PRPF4: variants seen among roughly 807,000 people sequenced by gnomAD.
PRPF4 encodes the protein pre-mRNA splicing tri-snRNP complex factor PRPF4.
Under a neutral mutation model 72.2 loss-of-function variants are expected in PRPF4, and 14 were observed. The ratio of observed to expected loss-of-function variants is 0.19; its 90% CI spans 0.13 to 0.30. PRPF4 has a LOEUF of 0.30. Among genes scored for constraint, PRPF4 ranks in the 10% least tolerant of loss-of-function variants. PRPF4 has a pLI of 1.00. For synonymous variants in PRPF4, 225 were observed against 232.2 expected, an observed-to-expected ratio of 0.97 and a Z score of 0.28; for missense variants, 478 against 653.9, an observed-to-expected ratio of 0.73 and a Z score of 2.93.
chr9:113,286,633 T>A, intron 8 of PRPF4, 72 bp from the exon 9 acceptor site: 3 of 1,567,288 alleles, frequency 1.9e-6, no homozygotes, highest in Non-Finnish European at 2.6e-6. Context: ...TATGTCCACA[T>A]GTTCCCTAGT....
chr9:113,280,340 A>C (rs1564245256), intron 3 of PRPF4, among the ~76,000 whole-genome samples: 1 of 151,736 alleles, frequency 6.6e-6, no homozygotes, highest in Non-Finnish European at 1.5e-5. Context: ...GATCAGCTCT[A>C]CTCCCATGGC....
Position 113,291,009 on chromosome 9 carries a change from G to T in PRPF4, c.1365G>T (p.Lys455Asn), listed in dbSNP as rs758869854. Residue 455 changes from lysine to asparagine, a missense_variant, in exon 13 of 14, where the codon AAG becomes AAT. Lys to Asn is a moderately conservative substitution (Grantham distance 94). Transcript: ENST00000374198. Reference sequence around the variant, plus strand: ...ATCAGAACTTAGTGACTGGTGTCAAGTTTGAGCGTAAGCTTTCCTCCTATT... The same window carrying T: ...ATCAGAACTTAGTGACTGGTGTCAATTTTGAGCGTAAGCTTTCCTCCTATT... ...PAHQNLVTGV[K>N]FEPIHGNFLL... 19 of 1,612,528 alleles carry T rather than the reference G, an allele frequency of 1.2e-5. No individual in the cohort carries two copies. Among genetic ancestry groups the T allele is most frequent in the Non-Finnish European group, 1.6e-5 (19 of 1,178,634 alleles).
At chr9:113,285,846 CAG>C (rs1301769184) in intron 7 of PRPF4, among the ~76,000 whole-genome samples, 1 of 151,934 alleles carries the variant, frequency 6.6e-6, no homozygotes, top group East Asian at 1.9e-4. Context: ...GCCTAGGTGA[CAG>C]AGTGACACTG....
chr9:113,291,025 T>C lies in PRPF4; in HGVS notation c.1372+9T>C. On this transcript the variant is annotated intron_variant, in intron 13 of 13. Transcript: ENST00000374198. ...TGGTGTCAAGTTTGAGCGTAAGCTT[T>C]CCTCCTATTTTACGTCTAAATGACA... 6.2e-7 allele frequency: 1 copy of C among 1,604,884 alleles called. No individual in the cohort carries two copies. Among genetic ancestry groups the C allele is most frequent in the Non-Finnish European group, 8.5e-7 (1 of 1,171,574 alleles).
At position 113,284,386 on chromosome 9, in the gene PRPF4, G is replaced by T; in HGVS notation, c.746G>T (p.Cys249Phe). 6.2e-7 allele frequency: 1 copy of T among 1,605,984 alleles called. No individual in the cohort carries two copies. The highest frequency in any genetic ancestry group is 8.5e-7 in the Non-Finnish European group (1 of 1,172,634). Residue 249 changes from cysteine (C) to phenylalanine (F), a missense_variant, in exon 7 of 14, where the codon TGT (cysteine) becomes TTT (phenylalanine). Cys to Phe is a radical substitution (Grantham distance 205). Transcript: ENST00000374198. ...AATTCCAAGATGCTGGCCACAGCTT[G>T]TTGGTAAGTTCCATTTTACAATGAC... ...SPNSKMLATA[C>F]WSGLCKLWSV... is the part of the protein sequence containing the mutation.
intron 5 of PRPF4, 60 bp downstream of exon 5, chr9:113,283,271 A>G: frequency 6.2e-7 from 1 of 1,613,994 alleles, no homozygotes; most frequent in Admixed American, 1.7e-5. Context: ...TCCTCTCAGG[A>G]ACTGAGTGCT....
chr9:113,283,653 C>T (rs1832349475), intron 6 of PRPF4, among the ~76,000 whole-genome samples, 171 bp downstream of exon 6: 1 of 152,206 alleles, frequency 6.6e-6, no homozygotes, highest in Non-Finnish European at 1.5e-5. Context: ...CAGGAGCTTA[C>T]TGTGCTTTGT....
In PRPF4 at chr9:113,288,201, G is replaced by A. The variant is rs773856201; in HGVS notation, c.959G>A (p.Gly320Asp). 2 of 1,614,218 alleles carry A rather than the reference G, an allele frequency of 1.2e-6. No homozygotes were observed. Among genetic ancestry groups the A allele is most frequent in the Non-Finnish European group, 1.7e-6 (2 of 1,180,046 alleles). ...DSDEPVADIE[G>D]HTVRVARVMW... Reference sequence around the variant, plus strand: ...GATGAACCAGTGGCAGATATTGAAGGCCATACAGTGCGTGTGGCGCGGGTA... The same window carrying A: ...GATGAACCAGTGGCAGATATTGAAGACCATACAGTGCGTGTGGCGCGGGTA... The change falls in exon 10 of 14, where the codon GGC (glycine) becomes GAC (aspartate). Residue 320 changes from glycine (G) to aspartate (D), a missense_variant. Gly to Asp is a moderately conservative substitution (Grantham distance 94). Coordinates refer to ENST00000374198, the MANE Select transcript of PRPF4 (RefSeq NM_001244926.2).
chr9:113,291,011 T>A lies in PRPF4; in HGVS notation c.1367T>A (p.Phe456Tyr). Residue 456 changes from phenylalanine to tyrosine, a missense_variant, in exon 13 of 14, where the codon TTT becomes TAT. Transcript: ENST00000374198. ...AHQNLVTGVK[F>Y]EPIHGNFLLT... ...CAGAACTTAGTGACTGGTGTCAAGTTTGAGCGTAAGCTTTCCTCCTATTTT... is the reference window on the plus strand; with the variant it reads ...CAGAACTTAGTGACTGGTGTCAAGTATGAGCGTAAGCTTTCCTCCTATTTT... 2 of 1,612,604 alleles carry A rather than the reference T, an allele frequency of 1.2e-6. No homozygotes were observed. The highest frequency in any genetic ancestry group is 1.7e-6 in the Non-Finnish European group (2 of 1,178,578).
intron 10 of PRPF4, 99 bp downstream of exon 10, chr9:113,288,363 A>C (rs1024848276): frequency 6.9e-5 from 77 of 1,114,136 alleles, no homozygotes; most frequent in Non-Finnish European, 9.8e-5. Flanking sequence ...AGAGATCTTC[A>C]GGTAGGATTT....
At chr9:113,282,965 T>G (rs894626499) in intron 4 of PRPF4, 167 bp from the exon 5 acceptor site, 4 of 1,256,928 alleles carry the variant, frequency 3.2e-6, no homozygotes, top group Middle Eastern at 2.5e-4. Flanking sequence ...TATAACCATG[T>G]AGTTACATAT....
chr9:113,288,307 ATCT>A (rs1161657783), intron 10 of PRPF4, 43 bp downstream of exon 10: 11 of 1,576,212 alleles, frequency 7.0e-6, no homozygotes, highest in Non-Finnish European at 9.6e-6. Context: ...GGCCTGTAGC[ATCT>A]TCTTAACCCT....
Position 113,290,534 on chromosome 9 carries a change from G to C in PRPF4, c.1091G>C (p.Ser364Thr). 6.2e-7 allele frequency: 1 copy of C among 1,614,224 alleles called. No homozygotes were observed. The highest frequency in any genetic ancestry group is 8.5e-7 in the Non-Finnish European group (1 of 1,180,038). Reference sequence around the variant, plus strand: ...GAGATCCTGCATCAGGAAGGCCATAGCATGGGTGTGTATGACATTGCCTTC... The same window carrying C: ...GAGATCCTGCATCAGGAAGGCCATACCATGGGTGTGTATGACATTGCCTTC... Reference protein sequence around the residue: ...QEEILHQEGHSMGVYDIAFHQ... With the variant: ...QEEILHQEGHTMGVYDIAFHQ... The change falls in exon 11 of 14, where the codon AGC becomes ACC. Residue 364 changes from serine to threonine, a missense_variant. Physicochemically the swap from Ser to Thr is moderately conservative, Grantham distance 58 (BLOSUM62 1). Transcript: ENST00000374198.
chr9:113,289,359 A>C (rs927689633), intron 10 of PRPF4, among the ~76,000 whole-genome samples: 2 of 152,214 alleles, frequency 1.3e-5, no homozygotes, highest in African/African-American at 4.8e-5. Context: ...TTGCTGGGTC[A>C]TAGGGTAGAG....
rs573482359 is a variant in PRPF4, at chr9:113,292,234, C to A, written c.*574C>A. 2.0e-5 allele frequency: 3 copies of A among 152,336 alleles called. No individual in the cohort carries two copies. The highest frequency in any genetic ancestry group is 7.2e-5 in the African/African-American group (3 of 41,448). 9.4% of individuals were successfully genotyped at this position (152,336 alleles called of 1,614,324 possible). A position where few individuals can be genotyped will look rare whatever the true frequency, so the allele number is the denominator to read the frequency against. On this transcript the variant is annotated 3_prime_UTR_variant, in exon 14 of 14. Coordinates refer to ENST00000374198, the MANE Select transcript of PRPF4 (RefSeq NM_001244926.2). ...GTCTCAAAAAAAAAAAAAATTTGTT[C>A]GAATGCCTTATAGCCTTCCTCACAG...
At chr9:113,277,263 G>T (rs1832137278) in intron 2 of PRPF4, among the ~76,000 whole-genome samples, 2 of 152,100 alleles carry the variant, frequency 1.3e-5, no homozygotes, top group South Asian at 4.1e-4. Context: ...TTTGGATTCA[G>T]ATTGATTCCA....
At position 113,275,896 on chromosome 9, in the gene PRPF4, TCAGCGGTGTCCTACA is replaced by T; in HGVS notation, c.27+133_27+147del. ...GGGCTGAGGAGGAAGGCTGCGGGAC[TCAGCGGTGTCCTACA>T]CAGCGGACCACCGTTTTCCTGATCC... On this transcript the variant is annotated intron_variant, in intron 1 of 13. Transcript: ENST00000374198. 16 of 1,321,638 alleles carry T rather than the reference TCAGCGGTGTCCTACA, an allele frequency of 1.2e-5. No homozygotes were observed. In the South Asian group the frequency reaches 1.9e-4, roughly 16 times the overall value. The allele number at this position is 1,321,638 out of a possible 1,614,324, so 81.9% of individuals were successfully genotyped here.
In PRPF4 at chr9:113,278,929, G is replaced by A; in HGVS notation, c.206-16G>A. The A allele has an allele frequency of 6.2e-7, 1 of 1,613,234 alleles. No individual in the cohort carries two copies. The highest frequency in any genetic ancestry group is 8.5e-7 in the Non-Finnish European group (1 of 1,179,206). On this transcript the variant is annotated splice_polypyrimidine_tract_variant and intron_variant, in intron 2 of 13. Transcript: ENST00000374198. ...TGAAGAAGATCTGCTGATGTTGCCT[G>A]TTTTCTTTTTAATAGGAGAAGTGTT...
intron 3 of PRPF4, among the ~76,000 whole-genome samples, chr9:113,279,435 C>T (rs1456858474): frequency 6.6e-6 from 1 of 152,136 alleles, no homozygotes; most frequent in African/African-American, 2.4e-5. Flanking sequence ...GTGATCTCGG[C>T]TCACTGCAGC....
Sources: allele counts gnomAD v4.1 joint callset (sites outside exome capture counted in the v4.1 genomes callset), GRCh38; gene constraint gnomAD v4.1.1; transcripts MANE v1.5; gene names NCBI Gene and HGNC (gene_info 2026-07-23, HGNC 2026-07-21).